Variants in GSE1 observed in about 807,000 individuals in gnomAD.
GSE1 encodes Gse1 coiled-coil protein, also known as genetic suppressor element 1.
A neutral mutation model predicts 112.6 loss-of-function variants in GSE1; 32 were observed. The observed-to-expected ratio is 0.28, with a 90% CI of 0.21 to 0.38. GSE1 has a LOEUF of 0.38. Ranked by LOEUF, GSE1 falls within the 10% of genes least tolerant of loss-of-function variation. GSE1 has a pLI of 1.00. For synonymous variants in GSE1, 1,115 were observed against 735.6 expected (o/e 1.52, Z -8.35); for missense variants, 2,348 against 1,699.2 (o/e 1.38, Z -6.71).
chr16:85,295,216 C>T (rs1314028799), intron 1 of GSE1, among the ~76,000 whole-genome samples: 4 of 152,344 alleles, frequency 2.6e-5, no homozygotes, highest in Admixed American at 6.5e-5. Flanking sequence ...CCGCACACAC[C>T]GGTCCACCTT....
chr16:85,611,456 G>A, upstream of GSE1: 4 of 985,222 alleles, frequency 4.1e-6, no homozygotes, highest in Non-Finnish European at 4.8e-6. Flanking sequence ...CGCAAGGGGG[G>A]CGCCGCCGGT....
Position 85,511,703 on chromosome 16 carries a change from A to G in GSE1, c.2465-122211A>G, listed in dbSNP as rs1263514770. ...CCTAAATGCAATCTCAAGTGTCTTCAGAAGAGACAGGCAGAGGGAGATTTG... is the reference window on the plus strand; with the variant it reads ...CCTAAATGCAATCTCAAGTGTCTTCGGAAGAGACAGGCAGAGGGAGATTTG... On this transcript the variant is annotated intron_variant, in intron 2 of 2. Transcript: ENST00000637419. Among the ~76,000 whole-genome samples the G allele has an allele frequency of 2.6e-5, 4 of 152,168 alleles. No homozygotes were observed. The East Asian group carries it at 7.7e-4, about 29-fold the overall frequency.
At position 85,419,375 on chromosome 16, in the gene GSE1, G is replaced by T. The variant is rs143329480; in HGVS notation, c.2464+61732G>T. On this transcript the variant is annotated intron_variant, in intron 2 of 2. Transcript: ENST00000637419. The surrounding 1 kb of genome is among the most constrained non-coding windows in gnomAD (Gnocchi z 6.5). ...TGCCTATAATCCCAGCACTTTGGGA[G>T]GCTGAGATGGGAGGACTGCTTGAGC... Among the ~76,000 whole-genome samples the T allele has an allele frequency of 3.9e-5, 6 of 152,158 alleles. No individual in the cohort carries two copies. The highest frequency in any genetic ancestry group is 8.8e-5 in the Non-Finnish European group (6 of 68,024).
At chr16:85,617,186 C>T (rs1328929440) in intron 1 of GSE1, among the ~76,000 whole-genome samples, 6 of 152,218 alleles carry the variant, frequency 3.9e-5, no homozygotes. Context: ...TGATGCCTCC[C>T]TCGCATCCAT....
intron 2 of GSE1, among the ~76,000 whole-genome samples, chr16:85,487,892 T>TGG (rs2050892360): frequency 6.6e-6 from 1 of 152,056 alleles, no homozygotes; most frequent in South Asian, 2.1e-4. Flanking sequence ...TCACAAAGGG[T>TGG]GGTTCGGGGC....
intron 1 of GSE1, among the ~76,000 whole-genome samples, chr16:85,619,706 C>G (rs750062319): frequency 6.6e-6 from 1 of 152,152 alleles, no homozygotes; most frequent in Non-Finnish European, 1.5e-5. Flanking sequence ...ATGAGGGTCA[C>G]GCCGTGGGCT....
At chr16:85,230,205 T>C (rs1265514823) in intron 1 of GSE1, among the ~76,000 whole-genome samples, 3 of 152,226 alleles carry the variant, frequency 2.0e-5, no homozygotes, top group East Asian at 3.8e-4. Flanking sequence ...TTTAACCCCA[T>C]GCTGGCATTG....
At position 85,654,983 on chromosome 16, in the gene GSE1, G is replaced by C. The variant is rs202041163; in HGVS notation, c.789G>C (p.Pro263=). Residue 263 remains proline (P), a synonymous_variant, in exon 5 of 16, where the codon CCG becomes CCC. Coordinates refer to ENST00000253458, the MANE Select transcript of GSE1 (RefSeq NM_014615.5). ...SYLAPHPFPH[P]AFRMDDSYCL... The stretch of plus-strand genomic sequence containing the variant: ...TGGCCCCACACCCCTTCCCCCACCC[G>C]GCCTTCAGGTGAGGCATCCCCCACG... The C allele has an allele frequency of 1.4e-5, 22 of 1,570,946 alleles. No homozygotes were observed. The highest frequency in any genetic ancestry group is 1.8e-5 in the Non-Finnish European group (21 of 1,152,510).
chr16:85,664,299 T>C (rs904426806), intron 11 of GSE1, among the ~76,000 whole-genome samples: 1 of 152,250 alleles, frequency 6.6e-6, no homozygotes, highest in Non-Finnish European at 1.5e-5. Context: ...GCCTCCTCTC[T>C]GGGAGAAAGT....
At chr16:85,364,517 C>A (rs2047147375) in intron 2 of GSE1, among the ~76,000 whole-genome samples, 1 of 152,210 alleles carries the variant, frequency 6.6e-6, no homozygotes, top group African/African-American at 2.4e-5. Flanking sequence ...GGGCAGGCAC[C>A]CCCGGTGCCG....
chr16:85,633,030 CTGT>C, intron 1 of GSE1, among the ~76,000 whole-genome samples: 1 of 152,118 alleles, frequency 6.6e-6, no homozygotes. Flanking sequence ...GCCGCCGCCG[CTGT>C]CACCACTGGC....
intron 1 of GSE1, among the ~76,000 whole-genome samples, chr16:85,622,846 G>A (rs536015001): frequency 6.6e-6 from 1 of 152,302 alleles, no homozygotes; most frequent in African/African-American, 2.4e-5. Context: ...GATGACATCT[G>A]AGTGGAGTGT....
At chr16:85,310,863 A>T (rs1431355962) in intron 1 of GSE1, among the ~76,000 whole-genome samples, 1 of 150,154 alleles carries the variant, frequency 6.7e-6, no homozygotes, top group Non-Finnish European at 1.5e-5. Context: ...GTGGGCTGCA[A>T]GGCAGTGCAC....
intron 2 of GSE1, among the ~76,000 whole-genome samples, chr16:85,402,154 C>T (rs930876902): frequency 6.6e-6 from 1 of 152,214 alleles, no homozygotes; most frequent in Non-Finnish European, 1.5e-5. Flanking sequence ...TTACGGCACA[C>T]TCTGGGTGCC....
intron 1 of GSE1, among the ~76,000 whole-genome samples, chr16:85,273,752 C>T (rs12933485): frequency 0.4 from 60,240 of 151,546 alleles, 13,947 homozygotes; most frequent in Non-Finnish European, 0.52. Flanking sequence ...TGCAGTGGTG[C>T]GATCTCGGCT....
chr16:85,486,842 G>T (rs1054431471), intron 2 of GSE1, among the ~76,000 whole-genome samples: 2 of 152,230 alleles, frequency 1.3e-5, no homozygotes, highest in East Asian at 3.8e-4. Context: ...GGGCCTCGCC[G>T]GTGCCTGGTG....
chr16:85,541,073 G>A (rs897170967), intron 2 of GSE1, among the ~76,000 whole-genome samples: 2 of 152,256 alleles, frequency 1.3e-5, no homozygotes, highest in Admixed American at 6.5e-5. Context: ...GCTCGACAGG[G>A]AGAATGGTGG....
chr16:85,272,622 G>A (rs1296601656), intron 1 of GSE1, among the ~76,000 whole-genome samples: 1 of 152,138 alleles, frequency 6.6e-6, no homozygotes, highest in Non-Finnish European at 1.5e-5. Flanking sequence ...ACGGGTGTGC[G>A]GGGAGCCTGG....
intron 1 of GSE1, among the ~76,000 whole-genome samples, chr16:85,632,920 TG>T (rs2049662231): frequency 6.6e-6 from 1 of 152,120 alleles, no homozygotes; most frequent in Admixed American, 6.5e-5. Flanking sequence ...ACACACGGGG[TG>T]GGCGGACTGA....
Sources: allele counts gnomAD v4.1 joint callset (sites outside exome capture counted in the v4.1 genomes callset), GRCh38; gene constraint gnomAD v4.1.1; non-coding constraint Gnocchi (gnomAD v3.1); transcripts MANE v1.5; gene names NCBI Gene and HGNC (gene_info 2026-07-23, HGNC 2026-07-21).